B9D1: variants seen among roughly 807,000 people sequenced by gnomAD.
B9D1 encodes the protein B9 domain-containing protein 1.
Under a neutral mutation model 26.1 loss-of-function variants are expected in B9D1, and 20 were observed. The observed-to-expected ratio is 0.77, with a 90% CI of 0.54 to 1.12. B9D1 has a LOEUF of 1.12. Ranked by LOEUF, B9D1 falls within the 50% of genes most tolerant of loss-of-function variation. The probability of loss-of-function intolerance (pLI) is 0.00; values close to 1 mark genes in which losing one functional copy is unlikely to be tolerated. For synonymous variants in B9D1, 105 were observed against 103.1 expected (o/e 1.02, Z -0.11); for missense variants, 260 against 273.7 (o/e 0.95, Z 0.35).
downstream of B9D1, chr17:19,341,060 C>T: frequency 2.7e-6 from 3 of 1,130,864 alleles, no homozygotes; most frequent in Non-Finnish European, 3.3e-6. Context: ...ATGTGGTGTT[C>T]ACTGTAAAAT....
downstream of B9D1, chr17:19,341,263 G>C (rs1057109523): frequency 8.1e-7 from 1 of 1,231,818 alleles, no homozygotes; most frequent in Non-Finnish European, 1.0e-6. Context: ...GTGGACCAAG[G>C]CCAGTGCCCT....
intron 3 of B9D1, among the ~76,000 whole-genome samples, 195 bp from the exon 4 acceptor site, chr17:19,348,075 T>C (rs1404476916): frequency 6.6e-6 from 1 of 152,162 alleles, no homozygotes; most frequent in Non-Finnish European, 1.5e-5. Context: ...TGGTACTTCC[T>C]GTGTCTCCAC....
At chr17:19,376,198 G>A (rs1385310544) in intron 1 of B9D1, among the ~76,000 whole-genome samples, 1 of 152,138 alleles carries the variant, frequency 6.6e-6, no homozygotes, top group Non-Finnish European at 1.5e-5. Context: ...TGGTTGCAAG[G>A]GCTCTGGTGA....
At chr17:19,351,134 T>C (rs1439672970) in intron 3 of B9D1, among the ~76,000 whole-genome samples, 1 of 152,142 alleles carries the variant, frequency 6.6e-6, no homozygotes, top group Non-Finnish European at 1.5e-5. Context: ...CCATGGTGCC[T>C]GGCCTGACTC....
At chr17:19,373,485 G>A (rs531773822) in intron 1 of B9D1, among the ~76,000 whole-genome samples, 129 of 151,504 alleles carry the variant, frequency 8.5e-4, no homozygotes, top group African/African-American at 3.0e-3. Context: ...TCCACCTCCC[G>A]AGTTCAAGCA....
In B9D1 at chr17:19,347,906, G is replaced by A. The variant is rs1909072325; in HGVS notation, c.245-26C>T. The A allele has an allele frequency of 1.9e-6, 3 of 1,600,142 alleles. No individual in the cohort carries two copies. The highest frequency in any genetic ancestry group is 2.2e-5 in the South Asian group (2 of 90,678). Reference sequence around the variant, plus strand: ...CTTGGGAAGGACAAGGCAGGGGGTGGGCACATGAGGACACACAGGGGAGGT... The same window carrying A: ...CTTGGGAAGGACAAGGCAGGGGGTGAGCACATGAGGACACACAGGGGAGGT... On this transcript the variant is annotated intron_variant, in intron 3 of 6. Coordinates refer to ENST00000261499, the MANE Select transcript of B9D1 (RefSeq NM_015681.6). The surrounding 1 kb of genome is among the most constrained non-coding windows in gnomAD (Gnocchi z 4.3).
chr17:19,338,123 A>G (rs1273963072), downstream of B9D1, among the ~76,000 whole-genome samples: 1 of 152,176 alleles, frequency 6.6e-6, no homozygotes, highest in Non-Finnish European at 1.5e-5. Context: ...CCCAACAATA[A>G]CAACAAAGCA....
At chr17:19,369,249 G>A (rs555623064) in intron 1 of B9D1, among the ~76,000 whole-genome samples, 1 of 152,138 alleles carries the variant, frequency 6.6e-6, no homozygotes, top group Non-Finnish European at 1.5e-5. Flanking sequence ...GGGTGTGTAC[G>A]TCCAGGCAAA....
In B9D1 at chr17:19,362,161, G is replaced by A. The variant is rs537928912; in HGVS notation, c.63+346C>T. On this transcript the variant is annotated intron_variant, in intron 1 of 6. Coordinates refer to ENST00000261499, the MANE Select transcript of B9D1 (RefSeq NM_015681.6). The stretch of plus-strand genomic sequence containing the variant: ...ACTCCACACGGGACACAGCGCAAAT[G>A]CTGGAAACTCGGCCAAGCCTCGGCT... Among the ~76,000 whole-genome samples, 10 of 152,348 alleles carry A rather than the reference G, an allele frequency of 6.6e-5. No individual in the cohort carries two copies. In the East Asian group the frequency reaches 1.9e-3, roughly 29 times the overall value.
chr17:19,336,748 A>G (rs1430199351), downstream of B9D1: 1 of 152,654 alleles, frequency 6.6e-6, no homozygotes, highest in East Asian at 1.9e-4. Flanking sequence ...CTCCCACCCC[A>G]TCTTCATCAG....
downstream of B9D1, among the ~76,000 whole-genome samples, chr17:19,339,211 T>C (rs918774929): frequency 6.6e-6 from 1 of 152,228 alleles, no homozygotes; most frequent in African/African-American, 2.4e-5. Flanking sequence ...AACCTTTTGA[T>C]GCTAATTTTT....
At chr17:19,345,262 C>G (rs1333765005) in intron 5 of B9D1, among the ~76,000 whole-genome samples, 1 of 152,066 alleles carries the variant, frequency 6.6e-6, no homozygotes, top group African/African-American at 2.4e-5. Context: ...CGACCACCGG[C>G]CTGGCAGCAT....
At chr17:19,355,565 C>T (rs1910227073) in intron 3 of B9D1, among the ~76,000 whole-genome samples, 1 of 151,072 alleles carries the variant, frequency 6.6e-6, no homozygotes, top group South Asian at 2.1e-4. Flanking sequence ...CGTGGTGGCT[C>T]ACGCCTGTAA....
chr17:19,360,198 G>T, intron 2 of B9D1, 122 bp downstream of exon 2: 1 of 903,096 alleles, frequency 1.1e-6, no homozygotes, highest in Non-Finnish European at 1.8e-6. Context: ...CTCATGTTTG[G>T]GTTCCCCTGA....
At chr17:19,369,887 T>C (rs577992882) in intron 1 of B9D1, among the ~76,000 whole-genome samples, 2 of 152,114 alleles carry the variant, frequency 1.3e-5, no homozygotes, top group Non-Finnish European at 2.9e-5. Context: ...TCCTGAGATG[T>C]TCAGAGCAGG....
intron 2 of B9D1, among the ~76,000 whole-genome samples, chr17:19,358,169 C>T (rs1218494046): frequency 6.6e-6 from 1 of 152,172 alleles, no homozygotes; most frequent in Non-Finnish European, 1.5e-5. Context: ...GCCAGCCACT[C>T]TCCCGGGCAC....
intron 2 of B9D1, 36 bp downstream of exon 2, chr17:19,360,284 T>C (rs1429132891): frequency 6.2e-7 from 1 of 1,604,454 alleles, no homozygotes; most frequent in Non-Finnish European, 8.5e-7. Context: ...CCAAAAGTCA[T>C]GAAGGCGGTA....
At chr17:19,345,073 ATT>A (rs913487419) in intron 5 of B9D1, among the ~76,000 whole-genome samples, 3 of 152,134 alleles carry the variant, frequency 2.0e-5, no homozygotes, top group African/African-American at 7.2e-5. Context: ...TTCCCACTGA[ATT>A]TCTTTCCTGG....
intron 1 of B9D1, among the ~76,000 whole-genome samples, chr17:19,362,213 G>A (rs961666276): frequency 3.9e-5 from 6 of 152,222 alleles, no homozygotes; most frequent in African/African-American, 1.4e-4. Flanking sequence ...GGAGGCTCCT[G>A]CCAGTGATCC....
Sources: allele counts gnomAD v4.1 joint callset (sites outside exome capture counted in the v4.1 genomes callset), GRCh38; gene constraint gnomAD v4.1.1; non-coding constraint Gnocchi (gnomAD v3.1); transcripts MANE v1.5; gene names NCBI Gene and HGNC (gene_info 2026-07-23, HGNC 2026-07-21).